The following MEIS2 variants were observed in gnomAD, a reference collection of about 807,000 sequenced individuals.
The protein encoded by MEIS2 is homeobox protein Meis2.
In MEIS2, 9 loss-of-function variants were observed where a neutral mutation model predicts 58.6. The ratio of observed to expected loss-of-function variants is 0.15; its 90% confidence interval spans 0.09 to 0.27. The LOEUF (loss-of-function observed/expected upper bound fraction) is 0.27, where lower values mean the gene tolerates loss of function less well. Ranked by LOEUF, MEIS2 falls within the 10% of genes least tolerant of loss-of-function variation. MEIS2 has a pLI of 1.00. For synonymous variants in MEIS2, 221 were observed against 228.4 expected (o/e 0.97, Z 0.29); for missense variants, 427 against 635.0 (o/e 0.67, Z 3.52).
chr15:37,052,378 G>A (rs1448034458), intron 7 of MEIS2, among the ~76,000 whole-genome samples: 1 of 152,184 alleles, frequency 6.6e-6, no homozygotes, highest in East Asian at 1.9e-4. Flanking sequence ...AGCAGAAACT[G>A]AAGCCAGACA....
At chr15:36,910,422 A>G (rs1299839833) in intron 9 of MEIS2, among the ~76,000 whole-genome samples, 2 of 152,104 alleles carry the variant, frequency 1.3e-5, no homozygotes, top group Non-Finnish European at 2.9e-5. Context: ...ATAGAGTGAT[A>G]TATATTACAG....
intron 9 of MEIS2, among the ~76,000 whole-genome samples, chr15:36,927,224 C>G (rs934192496): frequency 7.9e-5 from 12 of 152,092 alleles, no homozygotes; most frequent in African/African-American, 2.7e-4. Context: ...GCTAGCCCCC[C>G]TGAAGATGAG....
chr15:37,055,404 C>T (rs2063099154), intron 7 of MEIS2, among the ~76,000 whole-genome samples: 1 of 152,148 alleles, frequency 6.6e-6, no homozygotes, highest in African/African-American at 2.4e-5. Context: ...TATAATTCTT[C>T]CCTGTGTGTG....
intron 8 of MEIS2, among the ~76,000 whole-genome samples, chr15:36,983,189 T>A (rs1196859358): frequency 1.3e-5 from 2 of 152,150 alleles, no homozygotes; most frequent in Non-Finnish European, 2.9e-5. Flanking sequence ...TTGGTCCTTA[T>A]GTTTTGGAGT....
intron 8 of MEIS2, among the ~76,000 whole-genome samples, chr15:37,002,612 G>A (rs771745228): frequency 2.0e-5 from 3 of 151,958 alleles, no homozygotes; most frequent in Non-Finnish European, 2.9e-5. Context: ...TTTGGTTTAA[G>A]TGATTTTGAT....
chr15:37,063,689 G>A (rs1030043747), intron 7 of MEIS2, among the ~76,000 whole-genome samples: 26 of 152,070 alleles, frequency 1.7e-4, no homozygotes, highest in Non-Finnish European at 5.9e-5. Flanking sequence ...TCTATCAATG[G>A]TAATAATCAA....
chr15:37,043,647 A>G (rs1434982396), intron 7 of MEIS2, among the ~76,000 whole-genome samples: 1 of 150,458 alleles, frequency 6.6e-6, no homozygotes, highest in African/African-American at 2.4e-5. Context: ...GTTTTCAGTA[A>G]CCAGTTCTCT....
chr15:37,093,978 G>T, intron 5 of MEIS2: 2 of 463,908 alleles, frequency 4.3e-6, no homozygotes, highest in Non-Finnish European at 3.8e-6. Flanking sequence ...GAGAGAGAAA[G>T]AAACAGGACT....
intron 8 of MEIS2, among the ~76,000 whole-genome samples, chr15:37,010,144 G>C (rs1375406217): frequency 1.3e-5 from 2 of 152,018 alleles, no homozygotes; most frequent in South Asian, 4.1e-4. Context: ...CTGGAGTGCA[G>C]TGGCGCGATC....
chr15:36,975,933 C>A (rs2059733486), intron 8 of MEIS2, among the ~76,000 whole-genome samples: 1 of 152,014 alleles, frequency 6.6e-6, no homozygotes, highest in Non-Finnish European at 1.5e-5. Context: ...TTTAGCCATT[C>A]CACAATGTAT....
intron 7 of MEIS2, among the ~76,000 whole-genome samples, chr15:37,051,804 G>A (rs76662668): frequency 6.6e-6 from 1 of 152,154 alleles, no homozygotes; most frequent in Admixed American, 6.6e-5. Flanking sequence ...GAAAGAAGCT[G>A]TGAGGAGAAG....
Position 37,019,061 on chromosome 15 carries a change from G to C in MEIS2, c.900+17753C>G, listed in dbSNP as rs111624566. Among the ~76,000 whole-genome samples, 1,392 of 151,928 alleles carry C rather than the reference G, an allele frequency of 9.2e-3. 25 individuals are homozygous for C. Among genetic ancestry groups the C allele is most frequent in the African/African-American group, 0.032 (1,321 of 41,478 alleles). On this transcript the variant is annotated intron_variant, in intron 8 of 11. Transcript: ENST00000561208. The stretch of plus-strand genomic sequence containing the variant: ...TATGTCATGGGGTGAGGGTTGGAAT[G>C]AGAAGAGAAAAAGTAATTATTGAGT...
At chr15:37,071,489 T>G (rs888386376) in intron 7 of MEIS2, among the ~76,000 whole-genome samples, 3 of 152,138 alleles carry the variant, frequency 2.0e-5, no homozygotes, top group Non-Finnish European at 4.4e-5. Flanking sequence ...TGGGATTTCA[T>G]TTTTAGTTCT....
At chr15:36,925,452 C>T (rs1449742619) in intron 9 of MEIS2, among the ~76,000 whole-genome samples, 2 of 152,218 alleles carry the variant, frequency 1.3e-5, no homozygotes, top group Non-Finnish European at 2.9e-5. Context: ...TCAGAGACCA[C>T]ACAAGGGTGA....
At chr15:37,094,652 G>A in intron 4 of MEIS2, 75 bp from the exon 5 acceptor site, 1 of 1,291,100 alleles carries the variant, frequency 7.7e-7, no homozygotes, top group African/African-American at 1.5e-5. Context: ...GGAGTGGGGT[G>A]AGGATGGTGG....
intron 8 of MEIS2, among the ~76,000 whole-genome samples, chr15:37,014,836 G>C (rs960520092): frequency 1.1e-5 from 1 of 95,010 alleles, no homozygotes; most frequent in African/African-American, 3.7e-5. Context: ...TTAGGTCATA[G>C]GTCTAAGGGT....
intron 7 of MEIS2, among the ~76,000 whole-genome samples, chr15:37,060,997 A>G (rs1310083515): frequency 6.6e-6 from 1 of 152,186 alleles, no homozygotes; most frequent in Non-Finnish European, 1.5e-5. Context: ...AAAAGTTAAG[A>G]ACTCTCTACA....
intron 8 of MEIS2, among the ~76,000 whole-genome samples, chr15:36,986,604 A>G (rs1164629356): frequency 6.6e-6 from 1 of 152,158 alleles, no homozygotes; most frequent in Non-Finnish European, 1.5e-5. Flanking sequence ...CAGAGATCTG[A>G]GGCCCAGCTC....
At chr15:37,056,551 G>A (rs1044355992) in intron 7 of MEIS2, among the ~76,000 whole-genome samples, 2 of 152,148 alleles carry the variant, frequency 1.3e-5, no homozygotes, top group East Asian at 3.9e-4. Flanking sequence ...GCACCGGCTC[G>A]GCAGCCCCCG....
Sources: allele counts gnomAD v4.1 joint callset (sites outside exome capture counted in the v4.1 genomes callset), GRCh38; gene constraint gnomAD v4.1.1; transcripts MANE v1.5; gene names NCBI Gene and HGNC (gene_info 2026-07-23, HGNC 2026-07-21).